The following SPPL2A variants were observed in gnomAD, a reference collection of about 807,000 sequenced individuals.
SPPL2A encodes the protein signal peptide peptidase-like 2A.
SPPL2A carries 51 observed loss-of-function variants against 63.8 expected under a neutral mutation model. The observed-to-expected ratio is 0.80, with a 90% confidence interval of 0.64 to 1.01. The LOEUF is 1.01. Among genes scored for constraint, SPPL2A ranks in the 50% least tolerant of loss-of-function variants. The pLI, the probability that SPPL2A is intolerant of heterozygous loss-of-function variation, is 0.00. For synonymous variants in SPPL2A, 188 were observed against 205.8 expected, an observed-to-expected ratio of 0.91 and a Z score of 0.74; for missense variants, 553 against 622.7, an observed-to-expected ratio of 0.89 and a Z score of 1.19.
At position 50,706,548 on chromosome 15, in the gene SPPL2A, C is replaced by T. The variant is rs193294607; in HGVS notation, c.*1252G>A. 6.6e-6 allele frequency: 1 copy of T among 152,078 alleles called. No individual in the cohort carries two copies. The allele number at this position is 152,078 out of a possible 1,614,324, so 9.4% of individuals were successfully genotyped here. A position where few individuals can be genotyped will look rare whatever the true frequency, so the allele number is the denominator to read the frequency against. On this transcript the variant is annotated 3_prime_UTR_variant, in exon 15 of 15. Transcript: ENST00000261854. Reference sequence around the variant, plus strand: ...CTCTGAACCGCACTTTGTACATCCTCCACCAAGATTAAGAATCATTACCTA... The same window carrying T: ...CTCTGAACCGCACTTTGTACATCCTTCACCAAGATTAAGAATCATTACCTA...
At chr15:50,723,134 T>C (rs1053348604) in intron 12 of SPPL2A, among the ~76,000 whole-genome samples, 2 of 152,310 alleles carry the variant, frequency 1.3e-5, no homozygotes, top group Non-Finnish European at 2.9e-5. Flanking sequence ...TATGTTAGAA[T>C]GGCTGTTATT....
At chr15:50,721,385 C>G (rs535583458) in intron 13 of SPPL2A, among the ~76,000 whole-genome samples, 1 of 151,800 alleles carries the variant, frequency 6.6e-6, no homozygotes, top group South Asian at 2.1e-4. Flanking sequence ...TACTTTTTTT[C>G]TTTTCTTCAT....
chr15:50,713,228 C>G lies in SPPL2A; in HGVS notation c.1489-5354G>C, dbSNP rs60393400. 4.7e-3 allele frequency among the ~76,000 whole-genome samples: 699 copies of G among 150,062 alleles called. 6 individuals carry two copies. The highest frequency in any genetic ancestry group is 0.016 in the African/African-American group (675 of 40,932). ...TAAAGGCATTATATTACATAACTTT[C>G]AAAAATGCTAGTTTTCTGAAAAAAT... On this transcript the variant is annotated intron_variant, in intron 14 of 14. Coordinates refer to ENST00000261854, the MANE Select transcript of SPPL2A (RefSeq NM_032802.4).
chr15:50,744,268 G>A (rs2062842348), intron 5 of SPPL2A, among the ~76,000 whole-genome samples: 1 of 151,976 alleles, frequency 6.6e-6, no homozygotes, highest in Non-Finnish European at 1.5e-5. Flanking sequence ...GTTGAAACAT[G>A]CTTTCCAAAT....
intron 1 of SPPL2A, among the ~76,000 whole-genome samples, chr15:50,751,706 C>G (rs1319892879): frequency 1.3e-5 from 2 of 152,174 alleles, no homozygotes; most frequent in African/African-American, 4.8e-5. Flanking sequence ...ATATTAGCCT[C>G]CATGATGATC....
chr15:50,721,723 G>A (rs2062648474), intron 13 of SPPL2A, among the ~76,000 whole-genome samples: 1 of 151,816 alleles, frequency 6.6e-6, no homozygotes, highest in African/African-American at 2.4e-5. Context: ...TCCTGCCTCA[G>A]CCTCCCCAGT....
At position 50,765,598 on chromosome 15, in the gene SPPL2A, G is replaced by T; in HGVS notation, c.-65C>A. 1.8e-6 allele frequency: 2 copies of T among 1,142,624 alleles called. No homozygotes were observed. The highest frequency in any genetic ancestry group is 2.1e-5 in the South Asian group (1 of 46,578). The allele number at this position is 1,142,624 out of a possible 1,614,324, so 70.8% of individuals were successfully genotyped here. On this transcript the variant is annotated 5_prime_UTR_variant, in exon 1 of 15. Coordinates refer to ENST00000261854, the MANE Select transcript of SPPL2A (RefSeq NM_032802.4). ...CAGCTCACTCGGCGGGGTAGGCTCG[G>T]AGTCCCGCCGCTGCGCTGCCTCCGT...
chr15:50,749,561 C>CA, intron 2 of SPPL2A, 75 bp downstream of exon 2: 2 of 953,998 alleles, frequency 2.1e-6, no homozygotes, highest in Non-Finnish European at 3.4e-6. Context: ...GCTGGGATTA[C>CA]AGGCATGAGC....
chr15:50,742,168 G>T (rs1258777012), intron 5 of SPPL2A, among the ~76,000 whole-genome samples: 1 of 151,772 alleles, frequency 6.6e-6, no homozygotes, highest in Non-Finnish European at 1.5e-5. Context: ...CCAGCACTTT[G>T]GGAGGCTGAG....
At chr15:50,724,433 C>T (rs1177751865) in intron 12 of SPPL2A, among the ~76,000 whole-genome samples, 1 of 152,044 alleles carries the variant, frequency 6.6e-6, no homozygotes, top group African/African-American at 2.4e-5. Flanking sequence ...AAAAAATTAG[C>T]CAGGTGCGGT....
At chr15:50,731,639 T>G (rs1412976398) in intron 9 of SPPL2A, among the ~76,000 whole-genome samples, 1 of 151,896 alleles carries the variant, frequency 6.6e-6, no homozygotes, top group Non-Finnish European at 1.5e-5. Context: ...TAAAAATATT[T>G]TAGGCAGGCT....
Position 50,736,732 on chromosome 15 carries a change from TA to T in SPPL2A, c.741del (p.Met248Ter). ...GATGCTATGCAGAAAATTGCTATCATAACATAAACTGAAAAAAACAAAACAC... is the reference window on the plus strand; with the variant it reads ...GATGCTATGCAGAAAATTGCTATCATACATAAACTGAAAAAAACAAAACAC... Reference protein sequence around the residue: ...LYFFYKWLVYVMIAIFCIASA... With the variant: ...LYFFYKWLVYXMIAIFCIASA... On this transcript the variant is annotated frameshift_variant, in exon 7 of 15. Coordinates refer to ENST00000261854, the MANE Select transcript of SPPL2A (RefSeq NM_032802.4). LOFTEE classifies it high-confidence loss of function. 6.3e-7 allele frequency: 1 copy of T among 1,586,790 alleles called. No individual in the cohort carries two copies. Among genetic ancestry groups the T allele is most frequent in the Non-Finnish European group, 8.6e-7 (1 of 1,156,698 alleles).
At chr15:50,753,387 A>T (rs1359304432) in intron 1 of SPPL2A, among the ~76,000 whole-genome samples, 2 of 152,232 alleles carry the variant, frequency 1.3e-5, no homozygotes, top group Non-Finnish European at 2.9e-5. Flanking sequence ...TAAATATCTT[A>T]GTAAAATTTC....
chr15:50,764,753 GA>G (rs1008279720), intron 1 of SPPL2A, among the ~76,000 whole-genome samples: 28 of 152,154 alleles, frequency 1.8e-4, no homozygotes, highest in African/African-American at 6.5e-4. Flanking sequence ...CTGTGACTAT[GA>G]AAACAAATCT....
rs2062519863 is a variant in SPPL2A at position 50,707,511 on chromosome 15, A to G, written c.*289T>C. The G allele has an allele frequency of 7.8e-6, 2 of 257,652 alleles. No homozygotes were observed. Among genetic ancestry groups the G allele is most frequent in the Non-Finnish European group, 1.5e-5 (2 of 137,190 alleles). 16.0% of individuals were successfully genotyped at this position (257,652 alleles called of 1,614,324 possible). On this transcript the variant is annotated 3_prime_UTR_variant, in exon 15 of 15. Coordinates refer to ENST00000261854, the MANE Select transcript of SPPL2A (RefSeq NM_032802.4). ...AAAGAAACAGATTTCGTTAAAAAAAAGTATAGGGGTGGGTCAAGGCATTTT... is the reference window on the plus strand; with the variant it reads ...AAAGAAACAGATTTCGTTAAAAAAAGGTATAGGGGTGGGTCAAGGCATTTT...
chr15:50,751,850 G>A (rs1475178420), intron 1 of SPPL2A, among the ~76,000 whole-genome samples: 1 of 151,922 alleles, frequency 6.6e-6, no homozygotes, highest in Non-Finnish European at 1.5e-5. Flanking sequence ...TGTTTGAGAC[G>A]GAGTTTCGCT....
intron 5 of SPPL2A, 140 bp downstream of exon 5, chr15:50,747,355 A>AT: frequency 1.4e-6 from 1 of 692,618 alleles, no homozygotes; most frequent in East Asian, 2.7e-5. Context: ...AATGATCTAC[A>AT]TGAGGACAAA....
In SPPL2A at chr15:50,740,165, A is replaced by C. The variant is rs998532569; in HGVS notation, c.585-337T>G. ...TGACGTTGGCCGAGCATGATGGCTC[A>C]TGCCTGTAATCCCAGCACTTTGGGA... is the stretch of plus-strand genomic sequence containing the variant. On this transcript the variant is annotated intron_variant, in intron 5 of 14. Coordinates refer to ENST00000261854, the MANE Select transcript of SPPL2A (RefSeq NM_032802.4). Among the ~76,000 whole-genome samples, 31 of 152,250 alleles carry C rather than the reference A, an allele frequency of 2.0e-4. 1 individual carries two copies. Among genetic ancestry groups the C allele is most frequent in the African/African-American group, 7.2e-4 (30 of 41,564 alleles).
chr15:50,739,815 C>T lies in SPPL2A; in HGVS notation c.598G>A (p.Ala200Thr). ...ATTTCTCTATCTTCAGTTGTCACTG[C>T]TTTCAAGTTTTCCCTGTACAAACAC... is the stretch of plus-strand genomic sequence containing the variant. ...SGLVELENLK[A>T]VTTEDREMRK... Residue 200 changes from alanine (A) to threonine (T), a missense_variant, in exon 6 of 15, where the codon GCA becomes ACA. Coordinates refer to ENST00000261854, the MANE Select transcript of SPPL2A (RefSeq NM_032802.4). 2 of 1,600,452 alleles carry T rather than the reference C, an allele frequency of 1.2e-6. No individual in the cohort carries two copies. The highest frequency in any genetic ancestry group is 1.1e-5 in the South Asian group (1 of 88,342).
Sources: allele counts gnomAD v4.1 joint callset (sites outside exome capture counted in the v4.1 genomes callset), GRCh38; gene constraint gnomAD v4.1.1; transcripts MANE v1.5; gene names NCBI Gene and HGNC (gene_info 2026-07-23, HGNC 2026-07-21).